The following SASH1 variants were observed in gnomAD, a reference collection of about 807,000 sequenced individuals.
The protein encoded by SASH1 is SAM and SH3 domain-containing protein 1.
Under a neutral mutation model 125.2 loss-of-function variants are expected in SASH1, and 44 were observed. The observed-to-expected ratio is 0.35, with a 90% CI of 0.28 to 0.45. The LOEUF (loss-of-function observed/expected upper bound fraction) is 0.45. Ranked by LOEUF, SASH1 falls within the 20% of genes least tolerant of loss-of-function variation. The pLI is 1.00. For synonymous variants in SASH1, 639 were observed against 649.1 expected (o/e 0.98, Z 0.24); for missense variants, 1,426 against 1,614.5 (o/e 0.88, Z 2.00).
At chr6:148,401,872 C>T (rs1401988709) in intron 2 of SASH1, among the ~76,000 whole-genome samples, 4 of 152,100 alleles carry the variant, frequency 2.6e-5, no homozygotes, top group Non-Finnish European at 4.4e-5. Flanking sequence ...AGATTTTCAT[C>T]TGTGATTTCA....
At chr6:148,508,525 C>G in intron 8 of SASH1, 1 of 1,027,982 alleles carries the variant, frequency 9.7e-7, no homozygotes, top group Non-Finnish European at 1.2e-6. Context: ...GTTGGCCATG[C>G]ACAACACTCC....
chr6:148,205,956 G>A, the SASH1 span, among the ~76,000 whole-genome samples: 3 of 152,154 alleles, frequency 2.0e-5, no homozygotes, highest in South Asian at 2.1e-4. Context: ...GTTCCTTCCC[G>A]GTTTGCCTAG....
chr6:148,527,894 G>A (rs1184692050), intron 12 of SASH1, among the ~76,000 whole-genome samples: 1 of 149,948 alleles, frequency 6.7e-6, no homozygotes, highest in Admixed American at 6.7e-5. Context: ...ACTAAGCGTT[G>A]TAAATTTGAA....
At chr6:148,534,273 C>T (rs1050404116) in intron 15 of SASH1, among the ~76,000 whole-genome samples, 6 of 152,174 alleles carry the variant, frequency 3.9e-5, no homozygotes, top group Non-Finnish European at 7.3e-5. Context: ...GCAGCTAGCT[C>T]CACAGGGGCC....
intron 7 of SASH1, among the ~76,000 whole-genome samples, chr6:148,481,047 G>A (rs1468696218): frequency 2.0e-5 from 3 of 151,338 alleles, no homozygotes; most frequent in Admixed American, 6.6e-5. Flanking sequence ...CTAGGTCATC[G>A]GCAGATTTTA....
the SASH1 span, among the ~76,000 whole-genome samples, chr6:148,206,792 A>AGC: frequency 1.2e-3 from 90 of 74,102 alleles, no homozygotes; most frequent in African/African-American, 6.1e-3. Flanking sequence ...TCCATCTCAA[A>AGC]GCACACACAC....
intron 1 of SASH1, among the ~76,000 whole-genome samples, chr6:148,360,757 A>C (rs1169714475): frequency 1.3e-5 from 2 of 152,184 alleles, no homozygotes; most frequent in African/African-American, 2.4e-5. Flanking sequence ...TGGAGCATGG[A>C]CTATGTGTTA....
At chr6:148,543,577 G>A (rs2115451736) in intron 17 of SASH1, 103 bp from the exon 18 acceptor site, 1 of 924,930 alleles carries the variant, frequency 1.1e-6, no homozygotes. Flanking sequence ...TGAACAATAG[G>A]ATGTGGGTGT....
intron 1 of SASH1, among the ~76,000 whole-genome samples, chr6:148,317,589 T>C (rs1422935101): frequency 2.0e-5 from 3 of 152,192 alleles, no homozygotes; most frequent in Non-Finnish European, 2.9e-5. Flanking sequence ...CACATCCGGC[T>C]AATTTTTTTG....
rs376140184 is a variant in SASH1 at position 148,532,894 on chromosome 6, G to A, written c.1662G>A (p.Pro554=). ...GDDEEPPYRG[P]FCGRARVHTD... ...ACGAAGAGCCGCCTTACCGAGGCCCGTTCTGCGGGCGTGCCAGGGTGCACA... is the reference window on the plus strand; with the variant it reads ...ACGAAGAGCCGCCTTACCGAGGCCCATTCTGCGGGCGTGCCAGGGTGCACA... The change falls in exon 14 of 20, where the codon CCG becomes CCA. Residue 554 remains proline (P), a synonymous_variant. Transcript: ENST00000367467. The surrounding 1 kb of genome is among the most constrained non-coding windows in gnomAD (Gnocchi z 4.7). 3.0e-5 allele frequency: 48 copies of A among 1,614,070 alleles called. No individual in the cohort carries two copies. Among genetic ancestry groups the A allele is most frequent in the South Asian group, 5.5e-5 (5 of 91,092 alleles).
intron 1 of SASH1, among the ~76,000 whole-genome samples, chr6:148,332,935 C>T (rs557697490): frequency 2.0e-5 from 3 of 152,034 alleles, no homozygotes; most frequent in South Asian, 2.1e-4. Flanking sequence ...TGCAGTGAGC[C>T]GAGATTGTGG....
intron 4 of SASH1, among the ~76,000 whole-genome samples, chr6:148,444,504 G>A (rs1409557753): frequency 2.0e-5 from 3 of 152,220 alleles, no homozygotes; most frequent in Non-Finnish European, 2.9e-5. Context: ...TGATAGGTAA[G>A]TAGGTGTGTG....
At chr6:148,526,371 C>T (rs1243390452) in intron 11 of SASH1, among the ~76,000 whole-genome samples, 1 of 152,038 alleles carries the variant, frequency 6.6e-6, no homozygotes, top group African/African-American at 2.4e-5. Context: ...TTTGGTGAGT[C>T]TTACATGTAG....
At chr6:148,459,892 A>G (rs889090987) in intron 4 of SASH1, among the ~76,000 whole-genome samples, 1 of 152,208 alleles carries the variant, frequency 6.6e-6, no homozygotes, top group African/African-American at 2.4e-5. Context: ...GCCCAGAGTC[A>G]GTAGCAGGTA....
intron 1 of SASH1, among the ~76,000 whole-genome samples, chr6:148,298,873 T>A (rs56179577): frequency 8.6e-6 from 1 of 116,662 alleles, no homozygotes; most frequent in African/African-American, 3.5e-5. Flanking sequence ...GGGAGGGAAG[T>A]AAGGAGGGAG....
At chr6:148,432,884 A>G (rs1384494607) in intron 2 of SASH1, among the ~76,000 whole-genome samples, 3 of 152,210 alleles carry the variant, frequency 2.0e-5, no homozygotes, top group Non-Finnish European at 2.9e-5. Context: ...TGTAGCTCCT[A>G]AAGCCAGAAT....
chr6:148,253,894 TAATA>T, the SASH1 span, among the ~76,000 whole-genome samples: 4 of 151,266 alleles, frequency 2.6e-5, 1 homozygote, highest in East Asian at 3.9e-4. Context: ...TAAATACATT[TAATA>T]AATAAATAAA....
At chr6:148,435,563 A>G (rs1051768965) in intron 2 of SASH1, among the ~76,000 whole-genome samples, 2 of 152,174 alleles carry the variant, frequency 1.3e-5, no homozygotes, top group African/African-American at 4.8e-5. Flanking sequence ...AAAGTCCTCC[A>G]GTACCAGGAA....
At chr6:148,326,355 TATGCATATATATATATATACA>T (rs1780817389) in intron 1 of SASH1, among the ~76,000 whole-genome samples, 1 of 82,414 alleles carries the variant, frequency 1.2e-5, no homozygotes, top group African/African-American at 4.3e-5. Flanking sequence ...TATATATATA[TATGCATATATATATATATACA>T]TTCTTTTCTT....
Sources: allele counts gnomAD v4.1 joint callset (sites outside exome capture counted in the v4.1 genomes callset), GRCh38; gene constraint gnomAD v4.1.1; non-coding constraint Gnocchi (gnomAD v3.1); transcripts MANE v1.5; gene names NCBI Gene and HGNC (gene_info 2026-07-23, HGNC 2026-07-21).